TSC22D1: variants seen among roughly 807,000 people sequenced by gnomAD.
TSC22D1 encodes the protein TSC22 domain family protein 1.
In TSC22D1, 9 loss-of-function variants were observed where a neutral mutation model predicts 74.2. The observed-to-expected ratio is 0.12, with a 90% CI of 0.07 to 0.21. TSC22D1 has a LOEUF of 0.21. Among genes scored for constraint, TSC22D1 ranks in the 10% least tolerant of loss-of-function variants. TSC22D1 has a pLI of 1.00. For synonymous variants in TSC22D1, 586 were observed against 492.5 expected (o/e 1.19, Z -2.51); for missense variants, 1,427 against 1,304.7 (o/e 1.09, Z -1.44).
chr13:44,439,108 G>T (rs764308866), intron 1 of TSC22D1, among the ~76,000 whole-genome samples: 2 of 152,174 alleles, frequency 1.3e-5, no homozygotes, highest in East Asian at 3.8e-4. Context: ...ATCATCCATT[G>T]TATCAAGCAA....
At chr13:44,470,613 T>C (rs1476173734) in intron 1 of TSC22D1, among the ~76,000 whole-genome samples, 1 of 152,182 alleles carries the variant, frequency 6.6e-6, no homozygotes, top group African/African-American at 2.4e-5. Context: ...GATACTGGTG[T>C]TTGAAGAAGA....
intron 1 of TSC22D1, among the ~76,000 whole-genome samples, chr13:44,553,392 T>C (rs777720651): frequency 3.9e-5 from 6 of 152,164 alleles, no homozygotes; most frequent in Non-Finnish European, 8.8e-5. Flanking sequence ...AAACTAGTTT[T>C]GAAACTTTAT....
At chr13:44,436,793 T>G in intron 1 of TSC22D1, 2 of 1,436,814 alleles carry the variant, frequency 1.4e-6, no homozygotes, top group Non-Finnish European at 9.1e-7. Flanking sequence ...CCCAGGCAGA[T>G]GCGGATCCCA....
intron 1 of TSC22D1, among the ~76,000 whole-genome samples, chr13:44,531,269 T>C (rs79857010): frequency 0.023 from 3,560 of 152,276 alleles, 119 homozygotes; most frequent in African/African-American, 0.076. Context: ...AATGTAAAAC[T>C]GCTCTTTTTT....
At chr13:44,496,888 T>G (rs1179042154) in intron 1 of TSC22D1, among the ~76,000 whole-genome samples, 1 of 151,972 alleles carries the variant, frequency 6.6e-6, no homozygotes, top group Non-Finnish European at 1.5e-5. Context: ...CCCACTAGGA[T>G]AGCTACAATC....
At chr13:44,441,570 T>C (rs1368271341) in intron 1 of TSC22D1, among the ~76,000 whole-genome samples, 1 of 152,030 alleles carries the variant, frequency 6.6e-6, no homozygotes, top group East Asian at 1.9e-4. Context: ...ACCTAACATC[T>C]AAAATGGAAA....
rs1259481817 is a variant in TSC22D1, at chr13:44,433,194, A to G, written c.*1432T>C. 1 of 152,170 alleles carries G rather than the reference A, an allele frequency of 6.6e-6. No homozygotes were observed. The highest frequency in any genetic ancestry group is 2.4e-5 in the African/African-American group (1 of 41,422). The allele number at this position is 152,170 out of a possible 1,614,324, so 9.4% of individuals were successfully genotyped here. ...CCTCTCAGTTCAGTAAAAAATTAAG[A>G]TTTTCAAGGACTCCTAGAATTTTAA... On this transcript the variant is annotated 3_prime_UTR_variant, in exon 3 of 3. Coordinates refer to ENST00000458659, the MANE Select transcript of TSC22D1 (RefSeq NM_183422.4).
rs569586852 is a variant in TSC22D1 at position 44,553,093 on chromosome 13, G to A, written c.2912+20070C>T. On this transcript the variant is annotated intron_variant, in intron 1 of 2. Transcript: ENST00000458659. Reference sequence around the variant, plus strand: ...AGATGGGCTGCAGTTGAGGCCTGCCGTCACTTGACTATACATGACCAACGA... The same window carrying A: ...AGATGGGCTGCAGTTGAGGCCTGCCATCACTTGACTATACATGACCAACGA... 3.9e-4 allele frequency among the ~76,000 whole-genome samples: 59 copies of A among 152,330 alleles called. No individual in the cohort carries two copies. In the Middle Eastern group the frequency reaches 0.01, roughly 26 times the overall value.
chr13:44,475,637 A>G lies in TSC22D1; in HGVS notation c.2913-39542T>C, dbSNP rs570662723. ...ATCAAGAAAAAAAGAGAAGGCAGAA[A>G]TAAGCAGTATCAGGAACGAAAAAAA... On this transcript the variant is annotated intron_variant, in intron 1 of 2. Transcript: ENST00000458659. Among the ~76,000 whole-genome samples, 5 of 152,266 alleles carry G rather than the reference A, an allele frequency of 3.3e-5. No homozygotes were observed. The South Asian group carries it at 1.0e-3, about 32-fold the overall frequency.
intron 1 of TSC22D1, among the ~76,000 whole-genome samples, chr13:44,557,696 A>T (rs895288201): frequency 6.6e-6 from 1 of 152,240 alleles, no homozygotes; most frequent in Non-Finnish European, 1.5e-5. Context: ...GCTATTATTC[A>T]ACTGATTAAA....
chr13:44,545,657 A>C (rs1443788279), intron 1 of TSC22D1, among the ~76,000 whole-genome samples: 1 of 151,886 alleles, frequency 6.6e-6, no homozygotes, highest in Non-Finnish European at 1.5e-5. Flanking sequence ...TACGTTCATA[A>C]GAGTGCACTT....
intron 1 of TSC22D1, among the ~76,000 whole-genome samples, chr13:44,522,870 A>T (rs951737016): frequency 2.0e-5 from 3 of 151,990 alleles, no homozygotes; most frequent in Non-Finnish European, 2.9e-5. Flanking sequence ...AACACTGTTT[A>T]AAAAAAATGA....
chr13:44,526,510 T>C (rs1880556002), intron 1 of TSC22D1, among the ~76,000 whole-genome samples: 1 of 150,726 alleles, frequency 6.6e-6, no homozygotes, highest in Non-Finnish European at 1.5e-5. Flanking sequence ...ATCCTAAGAC[T>C]GTAGGACAAT....
Position 44,517,857 on chromosome 13 carries a change from A to ATTTTTTTTTTT in TSC22D1, c.2912+55295_2912+55305dup, listed in dbSNP as rs71070912. 5.6e-4 allele frequency among the ~76,000 whole-genome samples: 9 copies of ATTTTTTTTTTT among 16,172 alleles called. 1 individual carries two copies. Among genetic ancestry groups the ATTTTTTTTTTT allele is most frequent in the Admixed American group, 9.2e-4 (1 of 1,092 alleles). The allele number at this position is 16,172 out of a possible 152,430, so 10.6% of individuals were successfully genotyped here. ...TATATATATATATATATATATATAT[A>ATTTTTTTTTTT]TTTTTTTTTTTTTTTTTTTTTTAAC... On this transcript the variant is annotated intron_variant, in intron 1 of 2. Coordinates refer to ENST00000458659, the MANE Select transcript of TSC22D1 (RefSeq NM_183422.4).
intron 1 of TSC22D1, chr13:44,436,432 G>T: frequency 6.5e-7 from 1 of 1,531,946 alleles, no homozygotes; most frequent in Admixed American, 1.9e-5. Flanking sequence ...AATTCGCCTG[G>T]CTATCTTTCA....
intron 1 of TSC22D1, among the ~76,000 whole-genome samples, chr13:44,456,098 G>C (rs1566121571): frequency 6.6e-6 from 1 of 152,134 alleles, no homozygotes; most frequent in African/African-American, 2.4e-5. Flanking sequence ...GTGGGTTGTT[G>C]GTCTCGCTGA....
intron 1 of TSC22D1, among the ~76,000 whole-genome samples, chr13:44,521,100 G>A (rs984898635): frequency 8.5e-5 from 13 of 152,226 alleles, no homozygotes; most frequent in Middle Eastern, 3.4e-3. Context: ...AGCTCAGTGC[G>A]CTAAAAGACC....
At chr13:44,536,718 T>G (rs1881146190) in intron 1 of TSC22D1, 1 of 981,950 alleles carries the variant, frequency 1.0e-6, no homozygotes, top group African/African-American at 1.8e-5. Context: ...ACTCTTGATA[T>G]TTACAGTATT....
rs1275432395 is a variant in TSC22D1 at position 44,575,038 on chromosome 13, G to A, written c.1037C>T (p.Ala346Val). 1.9e-6 allele frequency: 3 copies of A among 1,614,100 alleles called. No homozygotes were observed. The highest frequency in any genetic ancestry group is 1.3e-5 in the African/African-American group (1 of 75,030). ...TCCAGGCCCAACACTCACACCAGCA[G>A]CACTAGGAATATTGCTTGTACTTAT... Reference protein sequence around the residue: ...VNISTSNIPSAAGVSVGPGVT... With the variant: ...VNISTSNIPSVAGVSVGPGVT... Residue 346 changes from alanine (A) to valine (V), a missense_variant, in exon 1 of 3, where the codon GCT (alanine) becomes GTT (valine). By Grantham distance (64) the Ala-to-Val change is moderately conservative. Coordinates refer to ENST00000458659, the MANE Select transcript of TSC22D1 (RefSeq NM_183422.4).
Sources: gnomAD v4.1 joint callset for allele counts (sites outside exome capture counted in the v4.1 genomes callset) on GRCh38, gnomAD v4.1.1 for gene constraint, MANE v1.5 for transcripts, NCBI Gene and HGNC (gene_info 2026-07-23, HGNC 2026-07-21) for gene names.